SLC39A5: variants seen among roughly 807,000 people sequenced by gnomAD.
SLC39A5 encodes zinc transporter ZIP5.
SLC39A5 carries 42 observed loss-of-function variants against 46.9 expected under a neutral mutation model. That is an observed-to-expected ratio of 0.90 (90% confidence interval 0.70 to 1.16). SLC39A5 has a LOEUF of 1.16. Among genes scored for constraint, SLC39A5 ranks in the 50% most tolerant of loss-of-function variants. The probability of loss-of-function intolerance (pLI) is 0.00; values close to 1 mark genes in which losing one functional copy is unlikely to be tolerated. For synonymous variants in SLC39A5, 311 were observed against 323.1 expected, an observed-to-expected ratio of 0.96 and a Z score of 0.40; for missense variants, 677 against 686.8, an observed-to-expected ratio of 0.99 and a Z score of 0.16.
chr12:56,235,491 C>T, intron 7 of SLC39A5, 69 bp from the exon 8 acceptor site: 2 of 1,561,854 alleles, frequency 1.3e-6, no homozygotes, highest in South Asian at 1.2e-5. Flanking sequence ...AGGCTTGCCA[C>T]AATCCATGCA....
chr12:56,230,358 C>T (rs768599622), intron 2 of SLC39A5, 63 bp downstream of exon 2: 1 of 152,418 alleles, frequency 6.6e-6, no homozygotes, highest in Non-Finnish European at 1.5e-5. Flanking sequence ...ACTGATCTGC[C>T]TTTTCCCCCC....
chr12:56,231,457 T>C lies in SLC39A5; in HGVS notation c.183T>C (p.Leu61=). The change falls in exon 4 of 13, where the codon CTT becomes CTC. Residue 61 remains leucine, a synonymous_variant. Coordinates refer to ENST00000454355, the MANE Select transcript of SLC39A5 (RefSeq NM_173596.3). ...GTLTAGGLAR[L]LHSLGLGRVQ... ...TGACTGCAGGGGGCTTGGCGCGGCT[T>C]CTCCACAGCCTGGGGCTAGGCCGAG... is the stretch of plus-strand genomic sequence containing the variant. 1 of 1,613,822 alleles carries C rather than the reference T, an allele frequency of 6.2e-7. No individual in the cohort carries two copies. Among genetic ancestry groups the C allele is most frequent in the Non-Finnish European group, 8.5e-7 (1 of 1,179,872 alleles).
intron 6 of SLC39A5, 84 bp downstream of exon 6, chr12:56,235,070 C>A: frequency 6.3e-7 from 1 of 1,589,432 alleles, no homozygotes; most frequent in Non-Finnish European, 8.5e-7. Flanking sequence ...GGGGTCCTGC[C>A]TCTCCTTGTA....
chr12:56,233,026 C>G (rs926734323), intron 5 of SLC39A5, among the ~76,000 whole-genome samples, 154 bp downstream of exon 5: 2 of 152,042 alleles, frequency 1.3e-5, no homozygotes, highest in African/African-American at 4.8e-5. Flanking sequence ...CTTTGGGAGG[C>G]CGAGGTGGGT....
At chr12:56,235,776 G>A in intron 8 of SLC39A5, 76 bp downstream of exon 8, 1 of 1,589,478 alleles carries the variant, frequency 6.3e-7, no homozygotes, top group African/African-American at 1.3e-5. Flanking sequence ...CGGGCGCGGT[G>A]GCTCACGCCT....
In SLC39A5 at chr12:56,232,826, G is replaced by A; in HGVS notation, c.425G>A (p.Arg142Lys). 1 of 1,613,216 alleles carries A rather than the reference G, an allele frequency of 6.2e-7. No individual in the cohort carries two copies. The highest frequency in any genetic ancestry group is 2.2e-5 in the East Asian group (1 of 44,760). Residue 142 changes from arginine to lysine, a missense_variant, in exon 5 of 13, where the codon AGG becomes AAG. Coordinates refer to ENST00000454355, the MANE Select transcript of SLC39A5 (RefSeq NM_173596.3). Reference protein sequence around the residue: ...PAPSGLDLLHRLLLLDHSLAD... With the variant: ...PAPSGLDLLHKLLLLDHSLAD... ...CCCTCGGGCCTGGACCTCCTTCACA[G>A]GCTTCTGTTGCTGGACCACTCATTG...
Position 56,236,510 on chromosome 12 carries a change from T to A in SLC39A5, c.1042+18T>A. ...AGCTCCAGGTGACTAGAGGAGAAAA[T>A]TTGAAGAGTAGGTTCCAAGCTCACA... On this transcript the variant is annotated intron_variant, in intron 9 of 12. Transcript: ENST00000454355. 1 of 1,614,042 alleles carries A rather than the reference T, an allele frequency of 6.2e-7. No homozygotes were observed. Among genetic ancestry groups the A allele is most frequent in the Non-Finnish European group, 8.5e-7 (1 of 1,180,008 alleles).
Position 56,234,820 on chromosome 12 carries a change from C to T in SLC39A5, c.472-4C>T. The T allele has an allele frequency of 6.2e-7, 1 of 1,613,458 alleles. No individual in the cohort carries two copies. ...TCTCCAATGTATGACCCTCAATTCT[C>T]CAGTGTCTGAACGGCTCCCAGCTGC... On this transcript the variant is annotated splice_region_variant and splice_polypyrimidine_tract_variant and intron_variant, in intron 5 of 12. Coordinates refer to ENST00000454355, the MANE Select transcript of SLC39A5 (RefSeq NM_173596.3).
chr12:56,231,512 C>G lies in SLC39A5; in HGVS notation c.238C>G (p.Pro80Ala). The G allele has an allele frequency of 6.3e-7, 1 of 1,596,788 alleles. No homozygotes were observed. The highest frequency in any genetic ancestry group is 1.1e-5 in the South Asian group (1 of 88,622). Residue 80 changes from proline to alanine, a missense_variant, in exon 4 of 13, where the codon CCT (proline) becomes GCT (alanine). Transcript: ENST00000454355. ...VQGLRLGQHG[P>A]LTGRAASPAA... ...GGGGCTTCGCCTGGGACAGCATGGG[C>G]CTCTGACTGGACGGGCTGCATCCCC...
chr12:56,236,382 C>G lies in SLC39A5; in HGVS notation c.946-14C>G, dbSNP rs781468857. ...GCTGCCTCCTCCACCAGGAGGGATGCCCTCCTATTTCAGAGATGCTGCAGG... is the reference window on the plus strand; with the variant it reads ...GCTGCCTCCTCCACCAGGAGGGATGGCCTCCTATTTCAGAGATGCTGCAGG... On this transcript the variant is annotated splice_polypyrimidine_tract_variant and intron_variant, in intron 8 of 12. Coordinates refer to ENST00000454355, the MANE Select transcript of SLC39A5 (RefSeq NM_173596.3). 3 of 1,613,384 alleles carry G rather than the reference C, an allele frequency of 1.9e-6. No homozygotes were observed. Among genetic ancestry groups the G allele is most frequent in the Middle Eastern group, 1.6e-4 (1 of 6,062 alleles).
rs143299854 is a variant in SLC39A5, at chr12:56,237,218, G to A, written c.1357G>A (p.Gly453Arg). ...RRLLLLSLVS[G>R]ALGLGGAVLG... ...GCTGCTGCTGCTGAGCCTCGTGTCT[G>A]GAGCCCTGGGATTGGGGGGTGCAGT... The change falls in exon 12 of 13, where the codon GGA (glycine) becomes AGA (arginine). Residue 453 changes from glycine (G) to arginine (R), a missense_variant. By Grantham distance (125) the Gly-to-Arg change is moderately radical (BLOSUM62 -2). Coordinates refer to ENST00000454355, the MANE Select transcript of SLC39A5 (RefSeq NM_173596.3). 8 of 1,613,916 alleles carry A rather than the reference G, an allele frequency of 5.0e-6. No homozygotes were observed. The South Asian group carries it at 7.7e-5, about 16-fold the overall frequency.
chr12:56,234,314 A>AT (rs149900118), intron 5 of SLC39A5, among the ~76,000 whole-genome samples: 1,419 of 117,878 alleles, frequency 0.012, 14 homozygotes, highest in Middle Eastern at 0.018. Flanking sequence ...TCCCCAGCTA[A>AT]TTTTTTTTTT....
At position 56,234,945 on chromosome 12, in the gene SLC39A5, TCGGCGCTC is replaced by T; in HGVS notation, c.598_605del (p.Ala200ProfsTer180). The T allele has an allele frequency of 6.2e-7, 1 of 1,613,694 alleles. No individual in the cohort carries two copies. Among genetic ancestry groups the T allele is most frequent in the Non-Finnish European group, 8.5e-7 (1 of 1,180,014 alleles). ...TATCAGATCGACAGCCGCGTCTGCA[TCGGCGCTC>T]CGGCCCCTGCACCCCCAGGGGATCT... is the stretch of plus-strand genomic sequence containing the variant. On this transcript the variant is annotated frameshift_variant, in exon 6 of 13. Coordinates refer to ENST00000454355, the MANE Select transcript of SLC39A5 (RefSeq NM_173596.3). LOFTEE classifies it high-confidence loss of function.
intron 3 of SLC39A5, 139 bp downstream of exon 3, chr12:56,231,012 G>C (rs914563258): frequency 1.5e-5 from 7 of 480,508 alleles, no homozygotes; most frequent in Non-Finnish European, 2.2e-5. Context: ...GGAGAGCTCT[G>C]ACTCAGGGAG....
chr12:56,237,276 C>T lies in SLC39A5; in HGVS notation c.1415C>T (p.Pro472Leu). The change falls in exon 12 of 13, where the codon CCC becomes CTC. Residue 472 changes from proline (P) to leucine (L), a missense_variant. By Grantham distance (98) the Pro-to-Leu change is moderately conservative. Coordinates refer to ENST00000454355, the MANE Select transcript of SLC39A5 (RefSeq NM_173596.3). ...LGVGLSLGPV[P>L]LTPWVFGVTA... is the part of the protein sequence containing the mutation. ...GTGGGGCTCAGCCTGGGCCCTGTCC[C>T]CCTCACTCCCTGGGTGTTTGGGGTC... 6.2e-7 allele frequency: 1 copy of T among 1,613,522 alleles called. No homozygotes were observed. Among genetic ancestry groups the T allele is most frequent in the Admixed American group, 1.7e-5 (1 of 59,944 alleles).
rs1870793955 is a variant in SLC39A5, at chr12:56,236,603, G to C, written c.1064G>C (p.Arg355Thr). 1.2e-6 allele frequency: 2 copies of C among 1,612,964 alleles called. No homozygotes were observed. The highest frequency in any genetic ancestry group is 8.5e-7 in the Non-Finnish European group (1 of 1,179,276). The change falls in exon 10 of 13, where the codon AGG becomes ACG. Residue 355 changes from arginine (R) to threonine (T), a missense_variant. Arg to Thr is a moderately conservative substitution (Grantham distance 71). Coordinates refer to ENST00000454355, the MANE Select transcript of SLC39A5 (RefSeq NM_173596.3). ...GCAGAGCCAGGGGCTCAGGGCCAGAGGGAGAAGAACAGCCAGCACCCACCA... is the reference window on the plus strand; with the variant it reads ...GCAGAGCCAGGGGCTCAGGGCCAGACGGAGAAGAACAGCCAGCACCCACCA... The part of the protein sequence containing the change: ...AAPEPGAQGQ[R>T]EKNSQHPPAL...
chr12:56,237,617 C>A lies in SLC39A5; in HGVS notation c.1509C>A (p.Pro503=). Reference sequence around the variant, plus strand: ...CAGCCCTGCTTCGTCCTCCGGAGCCCCTGCCTACGCCCCATGTGCTCCTGC... The same window carrying A: ...CAGCCCTGCTTCGTCCTCCGGAGCCACTGCCTACGCCCCATGTGCTCCTGC... ...MLPALLRPPE[P]LPTPHVLLQG... is the part of the protein sequence containing the mutation. The change falls in exon 13 of 13, where the codon CCC becomes CCA. Residue 503 remains proline, a synonymous_variant. Coordinates refer to ENST00000454355, the MANE Select transcript of SLC39A5 (RefSeq NM_173596.3). 6.2e-7 allele frequency: 1 copy of A among 1,613,610 alleles called. No individual in the cohort carries two copies.
chr12:56,236,542 A>G lies in SLC39A5; in HGVS notation c.1043-40A>G. ...AGTAGGTTCCAAGCTCACAGTCCTTACTTGCAGCCACCAACACTGTCCTGT... is the reference window on the plus strand; with the variant it reads ...AGTAGGTTCCAAGCTCACAGTCCTTGCTTGCAGCCACCAACACTGTCCTGT... On this transcript the variant is annotated intron_variant, in intron 9 of 12. Transcript: ENST00000454355. 3.1e-6 allele frequency: 5 copies of G among 1,614,136 alleles called. No homozygotes were observed. The African/African-American group carries it at 6.7e-5, about 22-fold the overall frequency.
At chr12:56,236,543 C>G (rs1201855903) in intron 9 of SLC39A5, 39 bp from the exon 10 acceptor site, 5 of 1,614,152 alleles carry the variant, frequency 3.1e-6, no homozygotes, top group Non-Finnish European at 4.2e-6. Context: ...ACAGTCCTTA[C>G]TTGCAGCCAC....
Sources: gnomAD v4.1 joint callset for allele counts (sites outside exome capture counted in the v4.1 genomes callset) on GRCh38, gnomAD v4.1.1 for gene constraint, MANE v1.5 for transcripts, NCBI Gene and HGNC (gene_info 2026-07-23, HGNC 2026-07-21) for gene names.